RPL31: variants seen among roughly 807,000 people sequenced by gnomAD.
The protein encoded by RPL31 is ribosomal protein L31.
For synonymous variants in RPL31, 51 were observed against 55.0 expected, an observed-to-expected ratio of 0.93 and a Z score of 0.32; for missense variants, 95 against 164.0, an observed-to-expected ratio of 0.58 and a Z score of 2.30.
downstream of RPL31, among the ~76,000 whole-genome samples, chr2:101,009,065 G>A (rs1678972751): frequency 6.6e-6 from 1 of 152,108 alleles, no homozygotes; most frequent in Non-Finnish European, 1.5e-5. Flanking sequence ...GCTTCAGGTG[G>A]AATCTAGCTA....
chr2:101,017,790 C>T (rs1679764017), intron 4 of RPL31: 1 of 1,526,166 alleles, frequency 6.6e-7, no homozygotes, highest in Non-Finnish European at 8.9e-7. Context: ...TTGACAAGCT[C>T]AGGACTTTTT....
chr2:101,004,125 C>T (rs143543375), intron 2 of RPL31, 33 bp from the exon 3 acceptor site: 4 of 1,606,654 alleles, frequency 2.5e-6, no homozygotes, highest in African/African-American at 1.3e-5. Flanking sequence ...GTTTTGTGCT[C>T]CTTTAATTTG....
downstream of RPL31, among the ~76,000 whole-genome samples, chr2:101,008,839 C>T (rs887695397): frequency 6.3e-4 from 95 of 151,596 alleles, no homozygotes; most frequent in African/African-American, 1.6e-3. Flanking sequence ...ACCACAGCAA[C>T]GTACAGATTT....
rs1679743002 is a variant in RPL31 at position 101,017,508 on chromosome 2, T to C, written c.347-1490T>C. Among the ~76,000 whole-genome samples the C allele has an allele frequency of 2.6e-5, 4 of 152,246 alleles. No individual in the cohort carries two copies. In the South Asian group the frequency reaches 8.3e-4, roughly 31 times the overall value. ...TAAGATAGGAATTTTTCAGTCTCGCTGTAATCCTATGGGACCACCATCATA... is the reference window on the plus strand; with the variant it reads ...TAAGATAGGAATTTTTCAGTCTCGCCGTAATCCTATGGGACCACCATCATA... On this transcript the variant is annotated intron_variant, in intron 4 of 4. Coordinates refer to the RPL31 transcript ENST00000409028.
intron 4 of RPL31, among the ~76,000 whole-genome samples, chr2:101,015,133 C>T (rs971984482): frequency 6.6e-6 from 1 of 152,152 alleles, no homozygotes; most frequent in African/African-American, 2.4e-5. Flanking sequence ...GGCTACAAAC[C>T]TGTACAGCAT....
Position 101,004,202 on chromosome 2 carries a change from A to C in RPL31, c.152A>C (p.Lys51Thr). The C allele has an allele frequency of 1.2e-6, 2 of 1,614,074 alleles. No individual in the cohort carries two copies. The highest frequency in any genetic ancestry group is 1.7e-6 in the Non-Finnish European group (2 of 1,179,958). The change falls in exon 3 of 5, where the codon AAA becomes ACA. Residue 51 changes from lysine to threonine, a missense_variant. Lys to Thr is a moderately conservative substitution (Grantham distance 78). Coordinates refer to ENST00000264258, the MANE Select transcript of RPL31 (RefSeq NM_000993.5). The part of the protein sequence containing the change: ...RAPRALKEIR[K>T]FAMKEMGTPD... Reference sequence around the variant, plus strand: ...CCTCGGGCACTCAAAGAGATTCGGAAATTTGCCATGAAGGAGATGGGAACT... The same window carrying C: ...CCTCGGGCACTCAAAGAGATTCGGACATTTGCCATGAAGGAGATGGGAACT...
chr2:101,008,392 A>G, downstream of RPL31: 1 of 803,680 alleles, frequency 1.2e-6, no homozygotes, highest in Non-Finnish European at 1.9e-6. Flanking sequence ...CACAGAATAT[A>G]AGAAAAGGTA....
chr2:101,015,243 G>GA (rs1010081499), intron 4 of RPL31, among the ~76,000 whole-genome samples: 16 of 150,418 alleles, frequency 1.1e-4, no homozygotes, highest in East Asian at 1.9e-4. Flanking sequence ...TGGTATAAAA[G>GA]AAAAAAAAAT....
At chr2:101,008,428 T>G (rs1275010111), downstream of RPL31, among the ~76,000 whole-genome samples, 4 of 152,162 alleles carry the variant, frequency 2.6e-5, no homozygotes, top group East Asian at 7.7e-4. Flanking sequence ...CTCTAAACTA[T>G]TAACAGTGGT....
downstream of RPL31, chr2:101,011,343 G>A (rs944928524): frequency 5.6e-5 from 64 of 1,138,902 alleles, no homozygotes; most frequent in Admixed American, 3.5e-4. Flanking sequence ...TTCATTGGAC[G>A]AAGGGAAAAG....
At chr2:101,012,385 G>A (rs115446453) in intron 4 of RPL31, among the ~76,000 whole-genome samples, 332 of 152,294 alleles carry the variant, frequency 2.2e-3, no homozygotes, top group Non-Finnish European at 3.9e-3. Context: ...AAGCACTGAC[G>A]CATGCTACAG....
chr2:101,010,819 T>C (rs1573851988), downstream of RPL31: 2 of 815,088 alleles, frequency 2.5e-6, no homozygotes, highest in South Asian at 3.3e-5. Flanking sequence ...GAGGTGGAGG[T>C]TGCAGTGGGC....
rs940541305 is a variant in RPL31, at chr2:101,002,803, T to C, written c.102T>C (p.His34=). ...CCATCAACATTCACAAGCGCATCCA[T>C]GGAGTGTGAGTATCCCTCTAGCCGC... ...EYTINIHKRI[H]GVGFKKRAPR... is the part of the protein sequence containing the mutation. The change falls in exon 2 of 5, where the codon CAT becomes CAC. Residue 34 remains histidine (H), a synonymous_variant. Transcript: ENST00000264258. 1 of 1,612,206 alleles carries C rather than the reference T, an allele frequency of 6.2e-7. No homozygotes were observed. Among genetic ancestry groups the C allele is most frequent in the Non-Finnish European group, 8.5e-7 (1 of 1,178,282 alleles).
chr2:101,017,901 A>G (rs1356335825), intron 4 of RPL31: 4 of 1,550,856 alleles, frequency 2.6e-6, no homozygotes, highest in Non-Finnish European at 3.5e-6. Flanking sequence ...TGTCACCATC[A>G]GTGAGAAACC....
rs547371790 is a variant in RPL31 at position 101,006,738 on chromosome 2, T to C, written c.*357T>C. On this transcript the variant is annotated 3_prime_UTR_variant, in exon 5 of 5. Coordinates refer to ENST00000264258, the MANE Select transcript of RPL31 (RefSeq NM_000993.5). ...TTTAGGAAACAACTTTAAAATGATA[T>C]ACTATCTATCTATCTATCTGTAGCA... is the stretch of plus-strand genomic sequence containing the variant. 6 of 221,226 alleles carry C rather than the reference T, an allele frequency of 2.7e-5. No homozygotes were observed. The East Asian group carries it at 3.4e-4, about 13-fold the overall frequency. 13.7% of individuals were successfully genotyped at this position (221,226 alleles called of 1,614,324 possible).
chr2:101,017,343 A>G (rs929058475), intron 4 of RPL31, among the ~76,000 whole-genome samples: 1 of 152,166 alleles, frequency 6.6e-6, no homozygotes, highest in Non-Finnish European at 1.5e-5. Flanking sequence ...TAAACCAATA[A>G]CATTCATTAT....
chr2:101,004,850 C>G (rs1476071901), intron 3 of RPL31: 2 of 152,608 alleles, frequency 1.3e-5, no homozygotes, highest in African/African-American at 4.8e-5. Context: ...GGACCCTGCT[C>G]TAAAGTGGAA....
intron 2 of RPL31, among the ~76,000 whole-genome samples, chr2:101,003,238 A>G (rs1678606658): frequency 6.6e-6 from 1 of 151,890 alleles, no homozygotes; most frequent in African/African-American, 2.4e-5. Flanking sequence ...TTTTTTCCCT[A>G]TGCCTGAATG....
intron 4 of RPL31, among the ~76,000 whole-genome samples, chr2:101,015,254 G>C (rs903846639): frequency 6.6e-6 from 1 of 152,094 alleles, no homozygotes. Context: ...AAAAAAAAAT[G>C]GTATACCTGT....
Sources: allele counts gnomAD v4.1 joint callset (sites outside exome capture counted in the v4.1 genomes callset), GRCh38; gene constraint gnomAD v4.1.1; transcripts MANE v1.5; gene names NCBI Gene and HGNC (gene_info 2026-07-23, HGNC 2026-07-21).